DPYSL3: variants seen among roughly 807,000 people sequenced by gnomAD.
DPYSL3 encodes the protein dihydropyrimidinase-related protein 3.
DPYSL3 carries 16 observed loss-of-function variants against 66.1 expected under a neutral mutation model. The ratio of observed to expected loss-of-function variants is 0.24; its 90% confidence interval spans 0.16 to 0.37. DPYSL3 has a LOEUF of 0.37. Ranked by LOEUF, DPYSL3 falls within the 10% of genes least tolerant of loss-of-function variation. DPYSL3 has a pLI of 1.00. For synonymous variants in DPYSL3, 338 were observed against 345.1 expected (o/e 0.98, Z 0.23); for missense variants, 738 against 916.2 (o/e 0.81, Z 2.51).
chr5:147,411,118 AGG>A (rs1751845104), intron 6 of DPYSL3, among the ~76,000 whole-genome samples: 1 of 152,204 alleles, frequency 6.6e-6, no homozygotes, highest in South Asian at 2.1e-4. Context: ...ACTTGGATAA[AGG>A]GAGGAGTACA....
In DPYSL3 at chr5:147,399,181, C is replaced by G; in HGVS notation, c.1524G>C (p.Leu508=). ...TSTNAAKIFN[L]YPRKGRISVG... is the part of the protein sequence containing the mutation. ...CAGATATTCTTCCCTTGCGGGGATA[C>G]AGGTTGAAGATCTTGGCAGCGTTTG... The change falls in exon 11 of 14, where the codon CTG becomes CTC. Residue 508 remains leucine, a synonymous_variant. Transcript: ENST00000343218. The G allele has an allele frequency of 1.9e-6, 3 of 1,614,226 alleles. No homozygotes were observed. Among genetic ancestry groups the G allele is most frequent in the Non-Finnish European group, 2.5e-6 (3 of 1,180,052 alleles).
At chr5:147,427,734 C>T (rs1752223116) in intron 1 of DPYSL3, among the ~76,000 whole-genome samples, 1 of 152,136 alleles carries the variant, frequency 6.6e-6, no homozygotes, top group African/African-American at 2.4e-5. Context: ...TGCCTGCCCC[C>T]AACCCCACCC....
intron 1 of DPYSL3, among the ~76,000 whole-genome samples, chr5:147,507,671 A>G (rs1301498934): frequency 6.6e-6 from 1 of 152,234 alleles, no homozygotes; most frequent in East Asian, 1.9e-4. Context: ...TGGATGAAGC[A>G]GATGGCAAGC....
intron 11 of DPYSL3, among the ~76,000 whole-genome samples, chr5:147,398,755 G>A (rs1458080178): frequency 1.3e-5 from 2 of 152,100 alleles, no homozygotes; most frequent in South Asian, 2.1e-4. Flanking sequence ...AGGCAGTGAC[G>A]TACACCACAT....
intron 2 of DPYSL3, among the ~76,000 whole-genome samples, chr5:147,423,989 A>ATTACAG (rs1752140570): frequency 6.6e-6 from 1 of 152,180 alleles, no homozygotes. Flanking sequence ...AAGTGCTGGG[A>ATTACAG]TTACAGGCAC....
At position 147,509,833 on chromosome 5, in the gene DPYSL3, TC is replaced by T; in HGVS notation, c.25del (p.Asp9ThrfsTer100). MASGRRGW[D>X]SSHEDDLPVY... is the part of the protein sequence containing the mutation. ...GGGCAGATCGTCTTCGTGGGAGCTG[TC>T]CCAGCCCCTCCGGCCCGAGGCCATG... On this transcript the variant is annotated frameshift_variant, in exon 1 of 14. Coordinates refer to ENST00000343218, the MANE Select transcript of DPYSL3 (RefSeq NM_001197294.2). LOFTEE classifies it high-confidence loss of function. The surrounding 1 kb of genome is among the most constrained non-coding windows in gnomAD (Gnocchi z 5.3). 2.0e-6 allele frequency: 3 copies of T among 1,532,450 alleles called. No individual in the cohort carries two copies. The highest frequency in any genetic ancestry group is 2.6e-6 in the Non-Finnish European group (3 of 1,144,362). 94.9% of individuals were successfully genotyped at this position (1,532,450 alleles called of 1,614,324 possible).
At chr5:147,415,968 A>C in intron 3 of DPYSL3, 95 bp from the exon 4 acceptor site, 2 of 1,364,888 alleles carry the variant, frequency 1.5e-6, no homozygotes, top group Non-Finnish European at 1.0e-6. Flanking sequence ...GTGACTGCAG[A>C]ATCTCTATTT....
chr5:147,509,361 C>T lies in DPYSL3; in HGVS notation c.381+117G>A, dbSNP rs1298209754. The stretch of plus-strand genomic sequence containing the variant: ...CTCAGTGGAGGATGACCCTTTCCTC[C>T]TCCTTGTCCCCCAGCCCCGTGCAAA... On this transcript the variant is annotated intron_variant, in intron 1 of 13. Transcript: ENST00000343218. The surrounding 1 kb of genome is among the most constrained non-coding windows in gnomAD (Gnocchi z 5.3). The T allele has an allele frequency of 7.5e-7, 1 of 1,339,462 alleles. No homozygotes were observed. The highest frequency in any genetic ancestry group is 1.5e-5 in the African/African-American group (1 of 67,102). 83.0% of individuals were successfully genotyped at this position (1,339,462 alleles called of 1,614,324 possible). A position where few individuals can be genotyped will look rare whatever the true frequency, so the allele number is the denominator to read the frequency against.
At chr5:147,447,573 A>G (rs1256196266) in intron 1 of DPYSL3, among the ~76,000 whole-genome samples, 2 of 152,176 alleles carry the variant, frequency 1.3e-5, no homozygotes, top group Non-Finnish European at 2.9e-5. Flanking sequence ...CGCCTCTCCT[A>G]TTAACATCCA....
At chr5:147,502,936 G>A (rs1429831175) in intron 1 of DPYSL3, among the ~76,000 whole-genome samples, 1 of 152,226 alleles carries the variant, frequency 6.6e-6, no homozygotes, top group Non-Finnish European at 1.5e-5. Flanking sequence ...GGGAGACGTG[G>A]GGACTCCCTT....
At chr5:147,451,186 G>A (rs539225671) in intron 1 of DPYSL3, among the ~76,000 whole-genome samples, 22 of 152,286 alleles carry the variant, frequency 1.4e-4, no homozygotes, top group Admixed American at 6.5e-4. Flanking sequence ...TATCCCCAAA[G>A]ACCAACATCC....
At chr5:147,479,415 C>G (rs1002050602) in intron 1 of DPYSL3, among the ~76,000 whole-genome samples, 24 of 152,080 alleles carry the variant, frequency 1.6e-4, no homozygotes, top group African/African-American at 5.6e-4. Context: ...GTGCACAGGA[C>G]AACTGTTTAG....
At chr5:147,422,834 T>A (rs886660272) in intron 2 of DPYSL3, among the ~76,000 whole-genome samples, 8 of 150,170 alleles carry the variant, frequency 5.3e-5, no homozygotes, top group Non-Finnish European at 1.2e-4. Flanking sequence ...GAGGCGAACA[T>A]CAAACACCAG....
intron 1 of DPYSL3, among the ~76,000 whole-genome samples, chr5:147,488,327 T>G (rs1753366795): frequency 6.6e-6 from 1 of 152,188 alleles, no homozygotes; most frequent in Non-Finnish European, 1.5e-5. Context: ...CATGCATTGC[T>G]GTCAAGTAAT....
At chr5:147,399,552 A>C (rs563934382) in intron 10 of DPYSL3, among the ~76,000 whole-genome samples, 1 of 152,294 alleles carries the variant, frequency 6.6e-6, no homozygotes, top group East Asian at 1.9e-4. Context: ...TTCAAAAAGG[A>C]TTATGGAGAG....
At chr5:147,446,442 TC>T (rs1308880180) in intron 1 of DPYSL3, among the ~76,000 whole-genome samples, 1 of 152,244 alleles carries the variant, frequency 6.6e-6, no homozygotes, top group African/African-American at 2.4e-5. Context: ...GTCCAGCACT[TC>T]CAGAGAAAAG....
At chr5:147,467,975 G>A (rs963063053) in intron 1 of DPYSL3, among the ~76,000 whole-genome samples, 9 of 152,262 alleles carry the variant, frequency 5.9e-5, no homozygotes, top group African/African-American at 9.6e-5. Context: ...AACTGCATTC[G>A]TGAGGGCAGA....
At chr5:147,411,127 T>C (rs1242315176) in intron 6 of DPYSL3, among the ~76,000 whole-genome samples, 1 of 151,872 alleles carries the variant, frequency 6.6e-6, no homozygotes, top group Non-Finnish European at 1.5e-5. Flanking sequence ...AAGGGAGGAG[T>C]ACAGTTCTAA....
At chr5:147,446,526 A>G (rs188450299) in intron 1 of DPYSL3, among the ~76,000 whole-genome samples, 8 of 152,326 alleles carry the variant, frequency 5.3e-5, no homozygotes, top group Admixed American at 5.2e-4. Flanking sequence ...GGACCATTCT[A>G]CTGTGGAGCT....
Sources: gnomAD v4.1 joint callset for allele counts (sites outside exome capture counted in the v4.1 genomes callset) on GRCh38, gnomAD v4.1.1 for gene constraint, Gnocchi (gnomAD v3.1) non-coding constraint, MANE v1.5 for transcripts, NCBI Gene and HGNC (gene_info 2026-07-23, HGNC 2026-07-21) for gene names.